The following KBTBD12 variants were observed in gnomAD, a reference collection of about 807,000 sequenced individuals.
KBTBD12 encodes kelch repeat and BTB domain containing 12.
KBTBD12 carries 53 observed loss-of-function variants against 58.7 expected under a neutral mutation model. That is an observed-to-expected ratio of 0.90 (90% CI 0.72 to 1.14). The LOEUF is 1.14. Among genes scored for constraint, KBTBD12 ranks in the 50% most tolerant of loss-of-function variants. The pLI, the probability that KBTBD12 is intolerant of heterozygous loss-of-function variation, is 0.00. For missense variants in KBTBD12, 704 were observed against 751.3 expected (o/e 0.94, Z 0.74); for synonymous variants, 236 against 259.8 (o/e 0.91, Z 0.88).
At chr3:127,915,833 A>G (rs1180118442) in intron 1 of KBTBD12, among the ~76,000 whole-genome samples, 4 of 152,194 alleles carry the variant, frequency 2.6e-5, no homozygotes, top group African/African-American at 9.7e-5. Context: ...CGTAGTCTGC[A>G]TAGTATTATC....
intron 4 of KBTBD12, among the ~76,000 whole-genome samples, chr3:127,950,440 CT>C (rs1263102971): frequency 2.0e-5 from 3 of 152,078 alleles, no homozygotes; most frequent in African/African-American, 7.2e-5. Context: ...GAAAGTAAGC[CT>C]TTTTAAATAA....
intron 4 of KBTBD12, among the ~76,000 whole-genome samples, chr3:127,956,921 A>G (rs909343520): frequency 5.3e-5 from 8 of 152,176 alleles, no homozygotes; most frequent in African/African-American, 1.9e-4. Context: ...TCATTTTGTT[A>G]CTCCTGAATC....
intron 5 of KBTBD12, among the ~76,000 whole-genome samples, chr3:127,980,511 G>GCTAATTTT (rs1940855429): frequency 6.6e-6 from 1 of 152,074 alleles, no homozygotes; most frequent in Non-Finnish European, 1.5e-5. Context: ...TGTATTTTCA[G>GCTAATTTT]TAGAGACGGG....
chr3:127,917,479 C>G (rs2107584063), intron 1 of KBTBD12, among the ~76,000 whole-genome samples: 1 of 152,292 alleles, frequency 6.6e-6, no homozygotes, highest in South Asian at 2.1e-4. Context: ...TTTAGGAAGG[C>G]TTCATTACAT....
intron 1 of KBTBD12, among the ~76,000 whole-genome samples, chr3:127,920,277 C>T (rs1939366521): frequency 6.6e-6 from 1 of 151,930 alleles, no homozygotes; most frequent in Non-Finnish European, 1.5e-5. Flanking sequence ...TATAATATTG[C>T]TTTGCATATT....
At chr3:127,952,821 G>A (rs1473146145) in intron 4 of KBTBD12, among the ~76,000 whole-genome samples, 2 of 152,138 alleles carry the variant, frequency 1.3e-5, no homozygotes, top group African/African-American at 2.4e-5. Context: ...CAGGATAATC[G>A]GAATCATTTG....
chr3:127,980,577 A>G (rs1197742295), intron 5 of KBTBD12, among the ~76,000 whole-genome samples: 1 of 152,076 alleles, frequency 6.6e-6, no homozygotes, highest in African/African-American at 2.4e-5. Context: ...TGATCTGCCC[A>G]CCTTGGCCTC....
chr3:127,926,482 T>C (rs1338971715), intron 2 of KBTBD12, among the ~76,000 whole-genome samples: 1 of 152,200 alleles, frequency 6.6e-6, no homozygotes, highest in East Asian at 1.9e-4. Flanking sequence ...TTTGGTTCTC[T>C]GCCTAGAATT....
intron 1 of KBTBD12, among the ~76,000 whole-genome samples, chr3:127,918,764 C>T (rs946937842): frequency 6.6e-6 from 1 of 151,414 alleles, no homozygotes; most frequent in African/African-American, 2.4e-5. Context: ...GGCCCATATG[C>T]GTTAGAACTG....
At chr3:127,927,655 G>A (rs1246238409) in intron 2 of KBTBD12, 109 bp from the exon 3 acceptor site, 2 of 814,794 alleles carry the variant, frequency 2.5e-6, no homozygotes, top group African/African-American at 3.5e-5. Flanking sequence ...TCCTCCAATT[G>A]GAAGAACCAT....
At chr3:127,977,640 G>A (rs1224710038) in intron 5 of KBTBD12, among the ~76,000 whole-genome samples, 1 of 152,188 alleles carries the variant, frequency 6.6e-6, no homozygotes, top group African/African-American at 2.4e-5. Flanking sequence ...TTTGAAAAGT[G>A]TCTGTTCGTG....
rs751396997 is a variant in KBTBD12, at chr3:127,924,069, G to C, written c.1008G>C (p.Val336=). 10 of 1,613,634 alleles carry C rather than the reference G, an allele frequency of 6.2e-6. No individual in the cohort carries two copies. In the South Asian group the frequency reaches 1.1e-4, roughly 18 times the overall value. Residue 336 remains valine (V), a synonymous_variant, in exon 2 of 6, where the codon GTG becomes GTC. Coordinates refer to ENST00000405109, the MANE Select transcript of KBTBD12 (RefSeq NM_207335.4). ...GVVMENNTII[V]AGEASASKLS... ...TCATGGAAAATAATACTATAATTGT[G>C]GCTGGAGAAGCAAGTGCCTCTAAAC...
At chr3:127,973,488 T>C (rs1159483968) in intron 5 of KBTBD12, among the ~76,000 whole-genome samples, 1 of 152,232 alleles carries the variant, frequency 6.6e-6, no homozygotes, top group Non-Finnish European at 1.5e-5. Context: ...TGAACAGGAT[T>C]TTATTCAATT....
In KBTBD12 at chr3:127,919,973, G is replaced by A. The variant is rs558844400; in HGVS notation, c.-112-2977G>A. Among the ~76,000 whole-genome samples the A allele has an allele frequency of 3.3e-5, 5 of 152,264 alleles. 1 individual carries two copies. The highest frequency in any genetic ancestry group is 1.2e-4 in the African/African-American group (5 of 41,546). On this transcript the variant is annotated intron_variant, in intron 1 of 5. Coordinates refer to ENST00000405109, the MANE Select transcript of KBTBD12 (RefSeq NM_207335.4). ...TGTCTTGGATACCCACCAAACAGCT[G>A]GAGAAATTAAACATTTATACAGTTG... is the stretch of plus-strand genomic sequence containing the variant.
chr3:127,933,680 T>C (rs1939761804), intron 4 of KBTBD12, among the ~76,000 whole-genome samples: 1 of 152,112 alleles, frequency 6.6e-6, no homozygotes, highest in South Asian at 2.1e-4. Flanking sequence ...ACTTGGAAAC[T>C]ATTTGAACTT....
At chr3:127,928,165 G>C in intron 3 of KBTBD12, 131 bp downstream of exon 3, 1 of 766,694 alleles carries the variant, frequency 1.3e-6, no homozygotes, top group Middle Eastern at 2.4e-4. Flanking sequence ...CTGTTTTATA[G>C]AATATAACTC....
At chr3:127,926,518 G>T (rs1022291425) in intron 2 of KBTBD12, among the ~76,000 whole-genome samples, 70 of 152,232 alleles carry the variant, frequency 4.6e-4, no homozygotes, top group African/African-American at 1.7e-3. Flanking sequence ...ATCATAAGGC[G>T]TGATAAATTT....
At chr3:127,980,682 G>T (rs958766870) in intron 5 of KBTBD12, among the ~76,000 whole-genome samples, 6 of 152,110 alleles carry the variant, frequency 3.9e-5, no homozygotes, top group African/African-American at 1.2e-4. Context: ...CCATCCTTCT[G>T]TGGCCAGGAG....
intron 4 of KBTBD12, among the ~76,000 whole-genome samples, chr3:127,947,889 A>G (rs1940117764): frequency 1.3e-5 from 2 of 152,190 alleles, no homozygotes; most frequent in Non-Finnish European, 2.9e-5. Context: ...CCTCTCTGGA[A>G]TGTTAGCTCA....
Sources: allele counts gnomAD v4.1 joint callset (sites outside exome capture counted in the v4.1 genomes callset), GRCh38; gene constraint gnomAD v4.1.1; transcripts MANE v1.5; gene names NCBI Gene and HGNC (gene_info 2026-07-23, HGNC 2026-07-21).